Variants in FMN1 observed in about 807,000 individuals in gnomAD.
FMN1 encodes formin 1.
FMN1 carries 110 observed loss-of-function variants against 132.4 expected under a neutral mutation model. The observed-to-expected ratio is 0.83, with a 90% CI of 0.71 to 0.97. FMN1 has a LOEUF of 0.97. Among genes scored for constraint, FMN1 ranks in the 50% least tolerant of loss-of-function variants. FMN1 has a pLI of 0.00. For missense variants in FMN1, 1,792 were observed against 1,705.3 expected, an observed-to-expected ratio of 1.05 and a Z score of -0.90; for synonymous variants, 722 against 651.7, an observed-to-expected ratio of 1.11 and a Z score of -1.64.
chr15:33,057,674 C>A (rs770751021), intron 6 of FMN1, among the ~76,000 whole-genome samples: 2 of 152,162 alleles, frequency 1.3e-5, no homozygotes, highest in Non-Finnish European at 2.9e-5. Context: ...CTTTCCCGGT[C>A]CTACTTTCCT....
chr15:33,060,187 AC>A (rs760435870), intron 6 of FMN1, among the ~76,000 whole-genome samples: 6 of 152,170 alleles, frequency 3.9e-5, no homozygotes, highest in Non-Finnish European at 8.8e-5. Context: ...CAATGCACAA[AC>A]CCATTCCCCA....
At chr15:33,095,819 G>A (rs1159699099) in intron 4 of FMN1, among the ~76,000 whole-genome samples, 4 of 152,132 alleles carry the variant, frequency 2.6e-5, no homozygotes, top group African/African-American at 7.2e-5. Flanking sequence ...AACTCTTGAA[G>A]ACATATGATG....
At chr15:32,932,865 A>G (rs1403031225) in intron 9 of FMN1, among the ~76,000 whole-genome samples, 1 of 151,760 alleles carries the variant, frequency 6.6e-6, no homozygotes, top group Non-Finnish European at 1.5e-5. Context: ...TTTTGTATAT[A>G]CTTGTGTTTT....
intron 16 of FMN1, among the ~76,000 whole-genome samples, chr15:32,884,887 G>A (rs987488491): frequency 6.6e-6 from 1 of 152,220 alleles, no homozygotes; most frequent in African/African-American, 2.4e-5. Flanking sequence ...AACATAGCCA[G>A]CTGGCCTCTC....
chr15:32,774,454 T>C, intron 20 of FMN1, 100 bp from the exon 21 acceptor site: 1 of 903,700 alleles, frequency 1.1e-6, no homozygotes, highest in African/African-American at 1.7e-5. Context: ...TTTCCGGAAT[T>C]GTGCCAAATG....
At chr15:32,975,742 C>T (rs1468995625) in intron 7 of FMN1, among the ~76,000 whole-genome samples, 1 of 152,102 alleles carries the variant, frequency 6.6e-6, no homozygotes, top group African/African-American at 2.4e-5. Flanking sequence ...AGCTCAAAGG[C>T]TATTCCCATA....
At chr15:32,888,739 T>C (rs996976301) in intron 15 of FMN1, among the ~76,000 whole-genome samples, 1 of 152,178 alleles carries the variant, frequency 6.6e-6, no homozygotes, top group Non-Finnish European at 1.5e-5. Flanking sequence ...GGCACTGCAA[T>C]GGAAGATACA....
Position 32,772,470 on chromosome 15 carries a change from G to A in FMN1, c.*1840C>T, listed in dbSNP as rs1162335377. On this transcript the variant is annotated 3_prime_UTR_variant, in exon 21 of 21. Coordinates refer to ENST00000616417, the MANE Select transcript of FMN1 (RefSeq NM_001277313.2). The stretch of plus-strand genomic sequence containing the variant: ...AGTGGAATCAGTTTTTAATTGATCC[G>A]TTCTTTTGGTTGTCTTCAGAGTTAA... 1.3e-5 allele frequency: 2 copies of A among 152,194 alleles called. No homozygotes were observed. Among genetic ancestry groups the A allele is most frequent in the Non-Finnish European group, 2.9e-5 (2 of 68,042 alleles). 9.4% of individuals were successfully genotyped at this position (152,194 alleles called of 1,614,324 possible).
At chr15:32,796,183 C>T (rs950963897) in intron 19 of FMN1, among the ~76,000 whole-genome samples, 6 of 152,196 alleles carry the variant, frequency 3.9e-5, no homozygotes, top group African/African-American at 1.2e-4. Flanking sequence ...AGTAAATATT[C>T]ACCACCACCT....
chr15:32,874,346 C>CA (rs1039578535), intron 16 of FMN1, among the ~76,000 whole-genome samples: 2 of 151,988 alleles, frequency 1.3e-5, no homozygotes, highest in African/African-American at 4.8e-5. Flanking sequence ...TAGCGAATAT[C>CA]AAGCCCAGCT....
intron 9 of FMN1, among the ~76,000 whole-genome samples, chr15:32,941,010 G>A (rs556187321): frequency 2.5e-4 from 33 of 132,788 alleles, no homozygotes; most frequent in Non-Finnish European, 4.1e-4. Flanking sequence ...ACAAAGGAAA[G>A]GTTCCCCAAA....
chr15:32,922,009 G>A (rs888259353), intron 10 of FMN1, among the ~76,000 whole-genome samples: 2 of 152,146 alleles, frequency 1.3e-5, no homozygotes, highest in African/African-American at 4.8e-5. Flanking sequence ...CCATCTCTGT[G>A]TGATGACCAC....
intron 4 of FMN1, among the ~76,000 whole-genome samples, chr15:33,145,302 T>A (rs1011257465): frequency 4.6e-5 from 7 of 151,508 alleles, no homozygotes; most frequent in Non-Finnish European, 7.4e-5. Context: ...TAAGACAAAA[T>A]CTCATTCATT....
At chr15:32,940,193 T>A (rs1191155596) in intron 9 of FMN1, among the ~76,000 whole-genome samples, 1 of 152,122 alleles carries the variant, frequency 6.6e-6, no homozygotes, top group African/African-American at 2.4e-5. Context: ...GAATGACCTC[T>A]TGGCCAGCTG....
intron 7 of FMN1, among the ~76,000 whole-genome samples, chr15:32,983,643 TTC>T (rs150616689): frequency 0.01 from 1,557 of 152,270 alleles, 29 homozygotes; most frequent in African/African-American, 0.036. Flanking sequence ...CACAGCAAGA[TTC>T]TGTCTGCAAC....
rs907239144 is a variant in FMN1 at position 33,154,703 on chromosome 15, C to T, written c.212G>A (p.Gly71Asp). 31 of 1,535,958 alleles carry T rather than the reference C, an allele frequency of 2.0e-5. No homozygotes were observed. The highest frequency in any genetic ancestry group is 2.4e-5 in the Non-Finnish European group (28 of 1,146,920). ...GGGAGTCTGCTTGAAAAATATGTCG[C>T]CTGGATGTTCGTCCGGCTCCTGGCT... is the stretch of plus-strand genomic sequence containing the variant. ...SLSQEPDEHP[G>D]DIFFKQTPTK... Residue 71 changes from glycine (G) to aspartate (D), a missense_variant, in exon 4 of 21, where the codon GGC becomes GAC. Gly to Asp is a moderately conservative substitution (Grantham distance 94). Around this residue, in one of 3 missense-constraint regions of FMN1, gnomAD observed 638 missense variants for 645.2 expected, o/e 0.99. Transcript: ENST00000616417.
intron 4 of FMN1, among the ~76,000 whole-genome samples, chr15:33,114,829 C>G (rs752865448): frequency 6.6e-6 from 1 of 152,144 alleles, no homozygotes; most frequent in Non-Finnish European, 1.5e-5. Flanking sequence ...AATTTAAGAT[C>G]TTTGACTTCT....
rs1418681562 is a variant in FMN1 at position 32,771,560 on chromosome 15, TG to T, written c.*2749del. ...TTGTCTAAGAGGAGACAAAGTTGTT[TG>T]TAAGTTAAGGGTTCTTAGAGTTACT... On this transcript the variant is annotated 3_prime_UTR_variant, in exon 21 of 21. Coordinates refer to ENST00000616417, the MANE Select transcript of FMN1 (RefSeq NM_001277313.2). 1 of 152,250 alleles carries T rather than the reference TG, an allele frequency of 6.6e-6. No individual in the cohort carries two copies. Among genetic ancestry groups the T allele is most frequent in the Non-Finnish European group, 1.5e-5 (1 of 68,048 alleles). The allele number at this position is 152,250 out of a possible 1,614,324, so 9.4% of individuals were successfully genotyped here. A position where few individuals can be genotyped will look rare whatever the true frequency, so the allele number is the denominator to read the frequency against.
At chr15:33,128,991 T>C (rs1355579013) in intron 4 of FMN1, among the ~76,000 whole-genome samples, 1 of 152,176 alleles carries the variant, frequency 6.6e-6, no homozygotes, top group East Asian at 1.9e-4. Flanking sequence ...TACAGAGTGC[T>C]GATTGGTCCA....
Sources: gnomAD v4.1 joint callset for allele counts (sites outside exome capture counted in the v4.1 genomes callset) on GRCh38, gnomAD v4.1.1 for gene constraint, gnomAD v4.1.1 regional missense constraint, MANE v1.5 for transcripts, NCBI Gene and HGNC (gene_info 2026-07-23, HGNC 2026-07-21) for gene names.